The following CTNNA1 variants were observed in gnomAD, a reference collection of about 807,000 sequenced individuals.
The protein encoded by CTNNA1 is catenin alpha 1.
CTNNA1 carries 37 observed loss-of-function variants against 98.4 expected under a neutral mutation model. The observed-to-expected ratio is 0.38, with a 90% CI of 0.29 to 0.49. The LOEUF (loss-of-function observed/expected upper bound fraction) is 0.49. CTNNA1 is among the 20% of genes least tolerant of loss of function. The pLI, the probability that CTNNA1 is intolerant of heterozygous loss-of-function variation, is 0.95. For missense variants in CTNNA1, 761 were observed against 1,147.2 expected (o/e 0.66, Z 4.86); for synonymous variants, 404 against 413.2 (o/e 0.98, Z 0.27).
At chr5:138,814,971 C>T (rs1164018795) in intron 5 of CTNNA1, among the ~76,000 whole-genome samples, 1 of 152,128 alleles carries the variant, frequency 6.6e-6, no homozygotes, top group African/African-American at 2.4e-5. Context: ...CCAGGCTACT[C>T]TTGAACTCCT....
chr5:138,933,714 A>T, intron 17 of CTNNA1, 88 bp from the exon 18 acceptor site: 1 of 1,388,032 alleles, frequency 7.2e-7, no homozygotes, highest in Non-Finnish European at 9.9e-7. Flanking sequence ...GCAGAGGAGT[A>T]GGGGGCTCCC....
chr5:138,776,212 C>T (rs555494735), intron 1 of CTNNA1, among the ~76,000 whole-genome samples: 295 of 151,562 alleles, frequency 1.9e-3, no homozygotes, highest in African/African-American at 6.9e-3. Flanking sequence ...TGTTTGTGTC[C>T]CTGGGTACTT....
intron 7 of CTNNA1, among the ~76,000 whole-genome samples, chr5:138,878,310 G>A (rs1752110382): frequency 6.6e-6 from 1 of 152,190 alleles, no homozygotes; most frequent in African/African-American, 2.4e-5. Context: ...AGAGTGCAGA[G>A]TTCCCATTGA....
chr5:138,769,368 A>T (rs1753273137), intron 1 of CTNNA1, among the ~76,000 whole-genome samples: 1 of 150,798 alleles, frequency 6.6e-6, no homozygotes, highest in Non-Finnish European at 1.5e-5. Context: ...ATTTTTATTT[A>T]TTATTTTTGG....
intron 2 of CTNNA1, chr5:138,782,358 C>T (rs551073680): frequency 8.5e-6 from 4 of 471,854 alleles, no homozygotes; most frequent in South Asian, 4.7e-5. Flanking sequence ...GTTAAGGTCT[C>T]TCACTCTGCT....
At chr5:138,756,107 C>A (rs868202002) in intron 1 of CTNNA1, among the ~76,000 whole-genome samples, 1 of 151,746 alleles carries the variant, frequency 6.6e-6, no homozygotes, top group Non-Finnish European at 1.5e-5. Context: ...GGCATAATTG[C>A]GGCTCACTGC....
intron 7 of CTNNA1, among the ~76,000 whole-genome samples, chr5:138,863,378 G>C (rs1036543045): frequency 3.9e-5 from 6 of 152,078 alleles, no homozygotes; most frequent in Admixed American, 3.3e-4. Context: ...TGGGACTACA[G>C]GCAAGTGTCA....
chr5:138,861,567 A>G (rs1378010836), intron 7 of CTNNA1, among the ~76,000 whole-genome samples: 1 of 152,182 alleles, frequency 6.6e-6, no homozygotes, highest in East Asian at 1.9e-4. Context: ...CTACGCCCCA[A>G]TTCACATTCC....
chr5:138,911,906 C>A (rs1199980459), intron 10 of CTNNA1, among the ~76,000 whole-genome samples: 19 of 152,162 alleles, frequency 1.2e-4, no homozygotes, highest in Admixed American at 1.2e-3. Flanking sequence ...GAAAAAGAGT[C>A]AGGGAATATA....
chr5:138,907,571 G>T (rs1243407841), intron 10 of CTNNA1, among the ~76,000 whole-genome samples: 1 of 152,106 alleles, frequency 6.6e-6, no homozygotes, highest in Non-Finnish European at 1.5e-5. Flanking sequence ...CTCTCTTGTG[G>T]GCAGTGATCA....
In CTNNA1 at chr5:138,908,876, G is replaced by A. The variant is rs577573432; in HGVS notation, c.1389+4435G>A. ...GGACCTGCCTCCATCCGAGCAGAGC[G>A]CCCCGGTCTCACAAACTTTTACGAG... On this transcript the variant is annotated intron_variant, in intron 10 of 17. Transcript: ENST00000302763. Among the ~76,000 whole-genome samples, 125 of 152,112 alleles carry A rather than the reference G, an allele frequency of 8.2e-4. 1 individual carries two copies. The highest frequency in any genetic ancestry group is 2.7e-3 in the African/African-American group (112 of 41,500).
intron 7 of CTNNA1, among the ~76,000 whole-genome samples, chr5:138,828,720 A>G (rs1003566879): frequency 5.9e-5 from 9 of 152,200 alleles, no homozygotes; most frequent in African/African-American, 2.2e-4. Flanking sequence ...GTAAAAGTTA[A>G]TGGGTGATGG....
intron 3 of CTNNA1, among the ~76,000 whole-genome samples, chr5:138,787,168 C>T (rs894378312): frequency 1.3e-5 from 2 of 152,214 alleles, no homozygotes; most frequent in African/African-American, 4.8e-5. Context: ...CGATGGCTCA[C>T]GCCTGTAATC....
At position 138,930,863 on chromosome 5, in the gene CTNNA1, C is replaced by G. The variant is rs11552052; in HGVS notation, c.2226C>G (p.Val742=). The change falls in exon 16 of 18, where the codon GTC becomes GTG. Residue 742 remains valine, a synonymous_variant. Transcript: ENST00000302763. ...GKGPLKNTSD[V]ISAAKKIAEA... ...GACCACTCAAAAATACATCGGATGTCATCAGTGCTGCCAAGAAAATTGCTG... is the reference window on the plus strand; with the variant it reads ...GACCACTCAAAAATACATCGGATGTGATCAGTGCTGCCAAGAAAATTGCTG... 36,828 of 1,613,280 alleles carry G rather than the reference C, an allele frequency of 0.023. 550 individuals carry two copies. The highest frequency in any genetic ancestry group is 0.026 in the Non-Finnish European group (31,112 of 1,179,188).
chr5:138,794,982 T>G (rs1006101377), intron 3 of CTNNA1, among the ~76,000 whole-genome samples: 1 of 151,302 alleles, frequency 6.6e-6, no homozygotes, highest in African/African-American at 2.4e-5. Context: ...AAACTCTGTC[T>G]CTACTGAAAA....
At position 138,824,638 on chromosome 5, in the gene CTNNA1, G is replaced by A; in HGVS notation, c.697G>A (p.Asp233Asn). 1.2e-6 allele frequency: 2 copies of A among 1,614,246 alleles called. No homozygotes were observed. Among genetic ancestry groups the A allele is most frequent in the Non-Finnish European group, 1.7e-6 (2 of 1,180,040 alleles). ...ATCCCAGGCATGCCTACAGCACCCT[G>A]ATGTCGCAGCCTATAAGGCCAACAG... The part of the protein sequence containing the change: ...TASQACLQHP[D>N]VAAYKANRDL... The change falls in exon 6 of 18, where the codon GAT becomes AAT. Residue 233 changes from aspartate (D) to asparagine (N), a missense_variant. By Grantham distance (23) the Asp-to-Asn change is conservative (BLOSUM62 1). Around this residue, in one of 6 missense-constraint regions of CTNNA1, gnomAD observed 328 missense variants for 354.3 expected, o/e 0.93. Transcript: ENST00000302763.
In CTNNA1 at chr5:138,775,048, G is replaced by C. The variant is rs1013436230; in HGVS notation, c.-2-6875G>C. On this transcript the variant is annotated intron_variant, in intron 1 of 17. Coordinates refer to ENST00000302763, the MANE Select transcript of CTNNA1 (RefSeq NM_001903.5). ...TTTTTTGAGAAAGTGAAATAGTTAT[G>C]TGTTGTACCTGTTTAATAATTAAAC... is the stretch of plus-strand genomic sequence containing the variant. Among the ~76,000 whole-genome samples, 8 of 152,332 alleles carry C rather than the reference G, an allele frequency of 5.3e-5. No individual in the cohort carries two copies. The East Asian group carries it at 1.3e-3, about 26-fold the overall frequency.
At chr5:138,913,583 C>T (rs1442800380) in intron 10 of CTNNA1, among the ~76,000 whole-genome samples, 3 of 130,092 alleles carry the variant, frequency 2.3e-5, no homozygotes, top group Non-Finnish European at 5.0e-5. Context: ...GACCCTGTCT[C>T]AAAAAAAAAA....
chr5:138,911,465 C>G (rs1360924638), intron 10 of CTNNA1, among the ~76,000 whole-genome samples: 3 of 152,050 alleles, frequency 2.0e-5, no homozygotes, highest in South Asian at 2.1e-4. Context: ...TGGACCCCCC[C>G]CCAATATAAT....
Sources: allele counts gnomAD v4.1 joint callset (sites outside exome capture counted in the v4.1 genomes callset), GRCh38; gene constraint gnomAD v4.1.1; regional missense constraint gnomAD v4.1.1; transcripts MANE v1.5; gene names NCBI Gene and HGNC (gene_info 2026-07-23, HGNC 2026-07-21).